CDH13: variants seen among roughly 807,000 people sequenced by gnomAD.
CDH13 encodes cadherin-13.
Under a neutral mutation model 63.8 loss-of-function variants are expected in CDH13, and 24 were observed. The observed-to-expected ratio is 0.38, with a 90% CI of 0.27 to 0.53. CDH13 has a LOEUF of 0.53. Ranked by LOEUF, CDH13 falls within the 20% of genes least tolerant of loss-of-function variation. The pLI is 0.85. For synonymous variants in CDH13, 503 were observed against 355.3 expected (o/e 1.42, Z -4.67); for missense variants, 1,049 against 903.1 (o/e 1.16, Z -2.07).
At chr16:83,107,778 C>A (rs1470904923) in intron 3 of CDH13, among the ~76,000 whole-genome samples, 2 of 147,564 alleles carry the variant, frequency 1.4e-5, no homozygotes, top group African/African-American at 5.0e-5. Flanking sequence ...TCCTCTGACT[C>A]TTTGTCCCTC....
intron 3 of CDH13, among the ~76,000 whole-genome samples, chr16:83,102,483 C>T (rs1383251924): frequency 1.3e-5 from 2 of 152,094 alleles, no homozygotes; most frequent in African/African-American, 4.8e-5. Flanking sequence ...GGGGAGCTTG[C>T]AGTAACAGGG....
At chr16:83,283,548 G>A (rs1006212383) in intron 5 of CDH13, among the ~76,000 whole-genome samples, 20 of 152,146 alleles carry the variant, frequency 1.3e-4, no homozygotes, top group African/African-American at 4.8e-4. Flanking sequence ...CCAAGATTGC[G>A]CTACTGCACT....
chr16:83,657,151 A>G (rs1014538419), intron 8 of CDH13, among the ~76,000 whole-genome samples: 3 of 152,222 alleles, frequency 2.0e-5, no homozygotes, highest in Admixed American at 1.3e-4. Context: ...CCTTTGAGAA[A>G]CTAACAGACT....
intron 1 of CDH13, among the ~76,000 whole-genome samples, chr16:82,669,362 A>G (rs183198687): frequency 2.1e-4 from 32 of 152,332 alleles, no homozygotes; most frequent in Admixed American, 7.2e-4. Flanking sequence ...TAGAAAATGG[A>G]CGCAGGTACA....
chr16:82,695,684 C>T (rs796510964), intron 1 of CDH13, among the ~76,000 whole-genome samples: 63 of 152,296 alleles, frequency 4.1e-4, no homozygotes, highest in African/African-American at 1.5e-3. Context: ...TATCTGAATT[C>T]TTGAAAGAGA....
intron 1 of CDH13, chr16:82,825,416 C>A (rs998880224): frequency 6.6e-6 from 1 of 151,756 alleles, no homozygotes; most frequent in Non-Finnish European, 1.5e-5. Flanking sequence ...GTACCTCATT[C>A]TTTTTCTTGA....
At chr16:82,673,097 C>T (rs1308106155) in intron 1 of CDH13, among the ~76,000 whole-genome samples, 1 of 147,312 alleles carries the variant, frequency 6.8e-6, no homozygotes, top group African/African-American at 2.5e-5. Context: ...CCACCTTGGC[C>T]TTACAGAATG....
chr16:83,337,614 C>G (rs2090625871), intron 5 of CDH13, among the ~76,000 whole-genome samples: 1 of 120,022 alleles, frequency 8.3e-6, no homozygotes, highest in Non-Finnish European at 1.7e-5. Flanking sequence ...ATTAAATTGA[C>G]AAGCGTATTT....
At chr16:82,702,380 C>A (rs1302663124) in intron 1 of CDH13, among the ~76,000 whole-genome samples, 1 of 152,174 alleles carries the variant, frequency 6.6e-6, no homozygotes, top group Non-Finnish European at 1.5e-5. Context: ...ATCCCACCTC[C>A]CCTGCTAGAC....
chr16:82,943,966 A>G (rs756845470), intron 2 of CDH13, among the ~76,000 whole-genome samples: 1 of 152,172 alleles, frequency 6.6e-6, no homozygotes, highest in Non-Finnish European at 1.5e-5. Context: ...TGTCCTTGGC[A>G]TCTTATTCAG....
chr16:82,935,184 T>TA (rs1400003407), intron 2 of CDH13, among the ~76,000 whole-genome samples: 2 of 152,072 alleles, frequency 1.3e-5, no homozygotes, highest in African/African-American at 4.8e-5. Flanking sequence ...GGGAAGCAAA[T>TA]ACGTTCATCT....
intron 1 of CDH13, among the ~76,000 whole-genome samples, chr16:82,798,578 C>T (rs1055445972): frequency 6.6e-6 from 1 of 152,132 alleles, no homozygotes; most frequent in Non-Finnish European, 1.5e-5. Context: ...GTGGCCTGGG[C>T]AATGTCTAAT....
intron 3 of CDH13, among the ~76,000 whole-genome samples, chr16:83,094,500 G>T (rs773451102): frequency 1.3e-5 from 2 of 152,148 alleles, no homozygotes; most frequent in Non-Finnish European, 2.9e-5. Flanking sequence ...AAGGAGCTGA[G>T]GTCTTATGCC....
intron 1 of CDH13, among the ~76,000 whole-genome samples, chr16:82,783,860 T>C (rs2035881255): frequency 6.6e-6 from 1 of 152,138 alleles, no homozygotes; most frequent in African/African-American, 2.4e-5. Flanking sequence ...GCATAATTTT[T>C]GGAGATTTGG....
At chr16:83,499,866 G>T (rs1034823096) in intron 7 of CDH13, among the ~76,000 whole-genome samples, 1 of 152,062 alleles carries the variant, frequency 6.6e-6, no homozygotes, top group Non-Finnish European at 1.5e-5. Context: ...GCAATGGCAC[G>T]ATCTCAGCTC....
At chr16:83,034,978 C>T (rs1916716868) in intron 3 of CDH13, among the ~76,000 whole-genome samples, 1 of 151,974 alleles carries the variant, frequency 6.6e-6, no homozygotes, top group Admixed American at 6.6e-5. Context: ...CTTCAGTTTG[C>T]CAGACTTCAG....
chr16:83,412,125 A>T (rs898321482), intron 6 of CDH13, among the ~76,000 whole-genome samples: 1 of 152,184 alleles, frequency 6.6e-6, no homozygotes, highest in African/African-American at 2.4e-5. Context: ...TGCTGAATGC[A>T]CCTATGCATG....
intron 3 of CDH13, among the ~76,000 whole-genome samples, chr16:83,090,264 C>G (rs1273944750): frequency 1.3e-5 from 2 of 152,134 alleles, no homozygotes; most frequent in African/African-American, 4.8e-5. Flanking sequence ...CAATCAGACC[C>G]CTATAGAGAT....
At chr16:82,848,886 C>T (rs1396007569) in intron 1 of CDH13, among the ~76,000 whole-genome samples, 1 of 152,144 alleles carries the variant, frequency 6.6e-6, no homozygotes, top group Non-Finnish European at 1.5e-5. Context: ...AGGCTGAAAG[C>T]TAGGTTTCTT....
Sources: allele counts gnomAD v4.1 joint callset (sites outside exome capture counted in the v4.1 genomes callset), GRCh38; gene constraint gnomAD v4.1.1; transcripts MANE v1.5; gene names NCBI Gene and HGNC (gene_info 2026-07-23, HGNC 2026-07-21).